PDE4D: variants seen among roughly 807,000 people sequenced by gnomAD.
The protein encoded by PDE4D is 3',5'-cyclic-AMP phosphodiesterase 4D.
PDE4D carries 24 observed loss-of-function variants against 87.4 expected under a neutral mutation model. The observed-to-expected ratio is 0.27, with a 90% confidence interval of 0.20 to 0.39. The LOEUF is 0.39. Ranked by LOEUF, PDE4D falls within the 10% of genes least tolerant of loss-of-function variation. The probability of loss-of-function intolerance (pLI) is 1.00; values close to 1 mark genes in which losing one functional copy is unlikely to be tolerated. For synonymous variants in PDE4D, 384 were observed against 383.2 expected (o/e 1.00, Z -0.02); for missense variants, 714 against 1,041.0 (o/e 0.69, Z 4.32).
chr5:60,396,037 C>A (rs1394754181), intron 1 of PDE4D, among the ~76,000 whole-genome samples: 1 of 152,232 alleles, frequency 6.6e-6, no homozygotes, highest in African/African-American at 2.4e-5. Context: ...CTGGAACAGC[C>A]TCCTTGGTTG....
At chr5:59,799,191 C>T (rs918405609) in intron 1 of PDE4D, among the ~76,000 whole-genome samples, 6 of 152,324 alleles carry the variant, frequency 3.9e-5, no homozygotes, top group Admixed American at 2.0e-4. Context: ...TAACCACACC[C>T]CCAGCCCCTG....
At chr5:60,241,253 GTC>G (rs201578593) in intron 1 of PDE4D, among the ~76,000 whole-genome samples, 55 of 145,494 alleles carry the variant, frequency 3.8e-4, no homozygotes, top group African/African-American at 1.1e-3. Flanking sequence ...ATACATCAGA[GTC>G]TCTCTCTCTC....
intron 1 of PDE4D, among the ~76,000 whole-genome samples, chr5:59,550,581 GT>G (rs1347499242): frequency 1.3e-5 from 2 of 151,780 alleles, no homozygotes; most frequent in Non-Finnish European, 2.9e-5. Context: ...GTTCACTATT[GT>G]TTAATTTGTA....
rs781759867 is a variant in PDE4D, at chr5:59,494,450, C to CAAACA, written c.456-278487_456-278483dup. Among the ~76,000 whole-genome samples, 109 of 152,090 alleles carry CAAACA rather than the reference C, an allele frequency of 7.2e-4. 2 individuals are homozygous for CAAACA. The highest frequency in any genetic ancestry group is 3.1e-4 in the Non-Finnish European group (21 of 67,956). On this transcript the variant is annotated intron_variant, in intron 1 of 14. Transcript: ENST00000340635. Reference sequence around the variant, plus strand: ...TGAAAATTAGATCTGTCAACCTAAGCAAACAAAACAAAACAAAACAAACAA... The same window carrying CAAACA: ...TGAAAATTAGATCTGTCAACCTAAGCAAACAAAACAAAACAAAACAAAACAAACAA...
rs184517205 is a variant in PDE4D at position 58,975,154 on chromosome 5, T to C, written c.2014-74A>G. 8.2e-4 allele frequency: 720 copies of C among 880,174 alleles called. No homozygotes were observed. The highest frequency in any genetic ancestry group is 4.0e-3 in the Admixed American group (122 of 30,572). 54.5% of individuals were successfully genotyped at this position (880,174 alleles called of 1,614,324 possible). A position where few individuals can be genotyped will look rare whatever the true frequency, so the allele number is the denominator to read the frequency against. On this transcript the variant is annotated intron_variant, in intron 14 of 14. Transcript: ENST00000340635. The surrounding 1 kb of genome is among the most constrained non-coding windows in gnomAD (Gnocchi z 4.2). The stretch of plus-strand genomic sequence containing the variant: ...ACAATGGAAAAGCTTAATTAGATCA[T>C]GGCCCACAAATAAAACACTGAACAG...
At chr5:59,189,866 G>T (rs994036754) in intron 3 of PDE4D, among the ~76,000 whole-genome samples, 1 of 152,206 alleles carries the variant, frequency 6.6e-6, no homozygotes, top group Non-Finnish European at 1.5e-5. Flanking sequence ...GAAATCAGAG[G>T]TGGAAAAGAG....
chr5:60,008,920 T>C (rs1019460699), intron 2 of PDE4D, among the ~76,000 whole-genome samples: 4 of 152,062 alleles, frequency 2.6e-5, no homozygotes, highest in Middle Eastern at 3.2e-3. Context: ...TATGCTGATT[T>C]TGTTAACAGC....
intron 1 of PDE4D, among the ~76,000 whole-genome samples, chr5:59,675,520 C>A (rs1388881737): frequency 2.0e-5 from 3 of 152,116 alleles, no homozygotes; most frequent in African/African-American, 7.2e-5. Context: ...AGCCCTCTGA[C>A]CTGGGTTCAA....
intron 1 of PDE4D, among the ~76,000 whole-genome samples, chr5:59,615,949 A>G (rs1169318175): frequency 1.3e-5 from 2 of 152,094 alleles, no homozygotes; most frequent in Non-Finnish European, 2.9e-5. Flanking sequence ...CGTATTTTCC[A>G]TAAGCATCCA....
chr5:58,975,736 T>A lies in PDE4D; in HGVS notation c.1934A>T (p.Gln645Leu). Residue 645 changes from glutamine to leucine, a missense_variant, in exon 14 of 15, where the codon CAA (glutamine) becomes CTA (leucine). Gln to Leu is a moderately radical substitution (Grantham distance 113, BLOSUM62 -2). Coordinates refer to ENST00000340635, the MANE Select transcript of PDE4D (RefSeq NM_001104631.2). This position sits in a 1 kb window ranked among gnomAD's most constrained non-coding sequence, Gnocchi z 4.2. ...GCCACGTTCCCTCTCTCGGTCTCCTTGGCGGAAGAACTCCTCCATTATCCG... is the reference window on the plus strand; with the variant it reads ...GCCACGTTCCCTCTCTCGGTCTCCTAGGCGGAAGAACTCCTCCATTATCCG... ...TDRIMEEFFRQGDRERERGME... is the reference protein window; with the variant it reads ...TDRIMEEFFRLGDRERERGME... 1 of 1,613,452 alleles carries A rather than the reference T, an allele frequency of 6.2e-7. No homozygotes were observed. The highest frequency in any genetic ancestry group is 8.5e-7 in the Non-Finnish European group (1 of 1,179,570).
chr5:59,492,420 G>C (rs376457762), intron 1 of PDE4D, among the ~76,000 whole-genome samples: 2 of 152,144 alleles, frequency 1.3e-5, no homozygotes, highest in South Asian at 4.1e-4. Context: ...TTTTACTTGT[G>C]CCAGTACAGA....
Position 60,001,040 on chromosome 5 carries a change from C to T in PDE4D, c.43-12323G>A, listed in dbSNP as rs192657919. Among the ~76,000 whole-genome samples the T allele has an allele frequency of 1.9e-3, 287 of 152,260 alleles. 3 individuals are homozygous for T. Among genetic ancestry groups the T allele is most frequent in the African/African-American group, 6.6e-3 (276 of 41,552 alleles). On this transcript the variant is annotated intron_variant, in intron 2 of 16. Coordinates refer to the PDE4D transcript ENST00000502484. ...TTGTCCCCAGAGATGTATGCCCATC[C>T]AACTCCCTGGAGGCAAGTCCTCTCA...
At chr5:59,830,136 G>T (rs746294951) in intron 1 of PDE4D, among the ~76,000 whole-genome samples, 5 of 151,994 alleles carry the variant, frequency 3.3e-5, no homozygotes, top group Non-Finnish European at 7.4e-5. Flanking sequence ...TAAGAGAACT[G>T]ACAGGCCTTT....
intron 2 of PDE4D, among the ~76,000 whole-genome samples, chr5:59,203,624 T>C (rs40203): frequency 0.63 from 95,574 of 151,120 alleles, 31,461 homozygotes; most frequent in African/African-American, 0.83. Flanking sequence ...AAATGTTATA[T>C]ACACACACAC....
At chr5:59,070,124 T>C (rs971276651) in intron 5 of PDE4D, among the ~76,000 whole-genome samples, 2 of 152,200 alleles carry the variant, frequency 1.3e-5, no homozygotes, top group Non-Finnish European at 2.9e-5. Flanking sequence ...TTGAGAGTGA[T>C]GTTACATGGT....
At chr5:60,507,335 A>G (rs896122424) in intron 1 of PDE4D, among the ~76,000 whole-genome samples, 3 of 152,220 alleles carry the variant, frequency 2.0e-5, no homozygotes, top group Non-Finnish European at 4.4e-5. Context: ...TCAGCCTTCC[A>G]AAGTGCTGGG....
At chr5:59,513,992 G>A (rs965333784) in intron 1 of PDE4D, among the ~76,000 whole-genome samples, 14 of 152,106 alleles carry the variant, frequency 9.2e-5, no homozygotes, top group African/African-American at 3.4e-4. Context: ...AGTGAATTAT[G>A]CTAAATCACT....
At chr5:59,243,606 C>T (rs1396131854) in intron 1 of PDE4D, among the ~76,000 whole-genome samples, 3 of 151,182 alleles carry the variant, frequency 2.0e-5, no homozygotes, top group Non-Finnish European at 4.4e-5. Context: ...ATTACAGGTG[C>T]CCACCGCCAT....
At chr5:59,519,231 A>G (rs1239316056) in intron 1 of PDE4D, among the ~76,000 whole-genome samples, 1 of 152,240 alleles carries the variant, frequency 6.6e-6, no homozygotes, top group African/African-American at 2.4e-5. Context: ...AAAAACAGAA[A>G]AAAGCCCTTG....
Sources: allele counts gnomAD v4.1 joint callset (sites outside exome capture counted in the v4.1 genomes callset), GRCh38; gene constraint gnomAD v4.1.1; non-coding constraint Gnocchi (gnomAD v3.1); transcripts MANE v1.5; gene names NCBI Gene and HGNC (gene_info 2026-07-23, HGNC 2026-07-21).